GPR158: variants seen among roughly 807,000 people sequenced by gnomAD.
GPR158 encodes the protein G protein-coupled receptor 158.
A neutral mutation model predicts 78.2 loss-of-function variants in GPR158; 30 were observed. The ratio of observed to expected loss-of-function variants is 0.38; its 90% CI spans 0.29 to 0.52. The LOEUF is 0.52. GPR158 is among the 20% of genes least tolerant of loss of function. The pLI is 0.83. For missense variants in GPR158, 1,463 were observed against 1,523.5 expected (o/e 0.96, Z 0.66); for synonymous variants, 581 against 591.1 (o/e 0.98, Z 0.25).
At chr10:25,417,436 T>C (rs1834678509) in intron 4 of GPR158, among the ~76,000 whole-genome samples, 1 of 152,136 alleles carries the variant, frequency 6.6e-6, no homozygotes, top group Non-Finnish European at 1.5e-5. Flanking sequence ...CTCTTTCCCA[T>C]TTCATTCAGA....
At chr10:25,248,271 A>G (rs568834251) in intron 2 of GPR158, among the ~76,000 whole-genome samples, 35 of 151,316 alleles carry the variant, frequency 2.3e-4, no homozygotes, top group South Asian at 4.2e-4. Context: ...TAGGTTGCCT[A>G]TTCACTCTGA....
chr10:25,473,166 G>A (rs4749034), intron 5 of GPR158, among the ~76,000 whole-genome samples: 63,982 of 149,320 alleles, frequency 0.43, 14,337 homozygotes, highest in East Asian at 0.73. Flanking sequence ...TAGCATGAAC[G>A]GTTGTTGAAT....
intron 2 of GPR158, among the ~76,000 whole-genome samples, chr10:25,355,003 A>G (rs145759029): frequency 5.3e-4 from 80 of 152,086 alleles, no homozygotes; most frequent in African/African-American, 1.9e-3. Context: ...GTCTTGACCT[A>G]TGAGCTTGAT....
At chr10:25,351,724 TTAA>T (rs1456615356) in intron 2 of GPR158, among the ~76,000 whole-genome samples, 1 of 149,614 alleles carries the variant, frequency 6.7e-6, no homozygotes, top group East Asian at 1.9e-4. Context: ...TTTTTTTTTT[TTAA>T]TGTTTTTTCT....
chr10:25,235,554 T>G (rs1163646783), intron 2 of GPR158, among the ~76,000 whole-genome samples: 1 of 152,014 alleles, frequency 6.6e-6, no homozygotes, highest in Non-Finnish European at 1.5e-5. Flanking sequence ...AGTGTATTTT[T>G]CTAGAGATAG....
chr10:25,389,337 A>C (rs889971543), intron 2 of GPR158, among the ~76,000 whole-genome samples: 2 of 152,100 alleles, frequency 1.3e-5, no homozygotes, highest in Non-Finnish European at 2.9e-5. Context: ...CTCTTTGCTG[A>C]GGGCTGAGGA....
intron 2 of GPR158, among the ~76,000 whole-genome samples, chr10:25,323,514 A>G (rs1259759281): frequency 6.6e-6 from 1 of 150,746 alleles, no homozygotes; most frequent in South Asian, 2.1e-4. Flanking sequence ...ACTTTTATCA[A>G]TTATCTTAGG....
rs933223046 is a variant in GPR158, at chr10:25,381,826, A to G, written c.1009-14085A>G. ...ATTTTAGCAAAATATTTAAAGAAGG[A>G]CTACTCAAAAACAAACAAATCAAGC... On this transcript the variant is annotated intron_variant, in intron 2 of 10. Coordinates refer to ENST00000376351, the MANE Select transcript of GPR158 (RefSeq NM_020752.3). Among the ~76,000 whole-genome samples the G allele has an allele frequency of 3.3e-5, 5 of 152,248 alleles. No homozygotes were observed. The South Asian group carries it at 6.2e-4, about 19-fold the overall frequency.
intron 2 of GPR158, among the ~76,000 whole-genome samples, chr10:25,332,121 G>T (rs1339557455): frequency 6.6e-6 from 1 of 151,984 alleles, no homozygotes; most frequent in Non-Finnish European, 1.5e-5. Context: ...ACCTGGGGGG[G>T]GGCGAATACA....
chr10:25,327,251 A>AACACAC (rs141069877), intron 2 of GPR158, among the ~76,000 whole-genome samples: 5 of 149,170 alleles, frequency 3.4e-5, no homozygotes, highest in African/African-American at 7.3e-5. Context: ...GACACTTACA[A>AACACAC]ACACACACAC....
intron 4 of GPR158, among the ~76,000 whole-genome samples, chr10:25,433,549 G>T (rs1160789255): frequency 3.0e-5 from 4 of 134,624 alleles, no homozygotes; most frequent in East Asian, 4.3e-4. Context: ...TGTGTGTGTT[G>T]TGTGTGTGTG....
chr10:25,388,202 G>A (rs1043207742), intron 2 of GPR158, among the ~76,000 whole-genome samples: 9 of 152,206 alleles, frequency 5.9e-5, no homozygotes, highest in Admixed American at 5.2e-4. Flanking sequence ...TTATTCAGGG[G>A]TACAATAATG....
rs752459120 is a variant in GPR158, at chr10:25,596,679, G to T, written c.2035G>T (p.Ala679Ser). The change falls in exon 10 of 11, where the codon GCT (alanine) becomes TCT (serine). Residue 679 changes from alanine to serine, a missense_variant. Ala to Ser is a moderately conservative substitution (Grantham distance 99). Transcript: ENST00000376351. Reference sequence around the variant, plus strand: ...AAGCAATAACCCACGAGATGATATTGCTACAGAAGCATATGAGGATGAGCT... The same window carrying T: ...AAGCAATAACCCACGAGATGATATTTCTACAGAAGCATATGAGGATGAGCT... Reference protein sequence around the residue: ...HSSNNPRDDIATEAYEDELDM... With the variant: ...HSSNNPRDDISTEAYEDELDM... 1.2e-6 allele frequency: 2 copies of T among 1,613,490 alleles called. No homozygotes were observed. The highest frequency in any genetic ancestry group is 1.7e-6 in the Non-Finnish European group (2 of 1,179,578).
chr10:25,544,322 T>G (rs915213800), intron 5 of GPR158, among the ~76,000 whole-genome samples: 1 of 152,198 alleles, frequency 6.6e-6, no homozygotes, highest in Non-Finnish European at 1.5e-5. Flanking sequence ...TTTGGAATTA[T>G]GCCTTAGGCA....
chr10:25,367,019 T>C (rs1303597108), intron 2 of GPR158, among the ~76,000 whole-genome samples: 1 of 151,744 alleles, frequency 6.6e-6, no homozygotes, highest in African/African-American at 2.4e-5. Context: ...CTTTATAAAT[T>C]GTCTATTGAT....
intron 6 of GPR158, among the ~76,000 whole-genome samples, chr10:25,563,809 T>C (rs1055459246): frequency 6.8e-6 from 1 of 147,678 alleles, no homozygotes; most frequent in Non-Finnish European, 1.5e-5. Flanking sequence ...TTTATGCATC[T>C]GTATTTTATC....
intron 2 of GPR158, among the ~76,000 whole-genome samples, chr10:25,305,507 A>G (rs1001981148): frequency 3.3e-5 from 5 of 152,158 alleles, no homozygotes; most frequent in South Asian, 2.1e-4. Context: ...CCAGGATCCT[A>G]TGGGGATGGA....
rs1233815640 is a variant in GPR158, at chr10:25,504,980, A to G, written c.1404+38261A>G. 2.0e-5 allele frequency among the ~76,000 whole-genome samples: 3 copies of G among 152,326 alleles called. No individual in the cohort carries two copies. The East Asian group carries it at 5.8e-4, about 29-fold the overall frequency. ...CAACTGCAGCACCTACTAGCTGTGCAGTCTTAGGAAAATTATGTAATCTTT... is the reference window on the plus strand; with the variant it reads ...CAACTGCAGCACCTACTAGCTGTGCGGTCTTAGGAAAATTATGTAATCTTT... On this transcript the variant is annotated intron_variant, in intron 5 of 10. Transcript: ENST00000376351.
intron 1 of GPR158, among the ~76,000 whole-genome samples, chr10:25,206,420 G>A (rs1853030971): frequency 1.3e-5 from 2 of 151,946 alleles, no homozygotes; most frequent in South Asian, 4.1e-4. Context: ...TTCAAGCAGT[G>A]AAATAATTAT....
Sources: allele counts gnomAD v4.1 joint callset (sites outside exome capture counted in the v4.1 genomes callset), GRCh38; gene constraint gnomAD v4.1.1; transcripts MANE v1.5; gene names NCBI Gene and HGNC (gene_info 2026-07-23, HGNC 2026-07-21).